UBE2D2: variants seen among roughly 807,000 people sequenced by gnomAD.
UBE2D2 encodes ubiquitin-conjugating enzyme E2 D2.
A neutral mutation model predicts 24.2 loss-of-function variants in UBE2D2; 2 were observed. The observed-to-expected ratio is 0.08, with a 90% CI of 0.03 to 0.26. UBE2D2 has a LOEUF of 0.26. Ranked by LOEUF, UBE2D2 falls within the 10% of genes least tolerant of loss-of-function variation. The pLI is 1.00. For synonymous variants in UBE2D2, 58 were observed against 56.5 expected, an observed-to-expected ratio of 1.03 and a Z score of -0.12; for missense variants, 44 against 177.6, an observed-to-expected ratio of 0.25 and a Z score of 4.28.
At chr5:139,572,467 G>T (rs1040777883) in intron 1 of UBE2D2, among the ~76,000 whole-genome samples, 3 of 152,050 alleles carry the variant, frequency 2.0e-5, no homozygotes, top group Admixed American at 6.6e-5. Flanking sequence ...GCAGTGGCAT[G>T]TGCCTGTAAT....
exon 1 of UBE2D2, chr5:139,526,515 C>T (rs1334252235): frequency 6.6e-6 from 1 of 152,300 alleles, no homozygotes; most frequent in Non-Finnish European, 1.5e-5. Context: ...TGGAATGCCT[C>T]GCCAGAGCAG....
chr5:139,580,437 G>C (rs537087482), intron 1 of UBE2D2, among the ~76,000 whole-genome samples: 11 of 152,110 alleles, frequency 7.2e-5, no homozygotes, highest in Non-Finnish European at 1.2e-4. Flanking sequence ...CTGGGACAGC[G>C]TAACAGAGTG....
chr5:139,555,924 C>CAAAAAA (rs1168084041), intron 1 of UBE2D2, among the ~76,000 whole-genome samples: 3 of 9,324 alleles, frequency 3.2e-4, no homozygotes, highest in African/African-American at 4.0e-4. Flanking sequence ...GACTCCATCT[C>CAAAAAA]AAAAAAAAAA....
At chr5:139,584,130 A>G (rs893221659) in intron 1 of UBE2D2, among the ~76,000 whole-genome samples, 1 of 152,174 alleles carries the variant, frequency 6.6e-6, no homozygotes, top group African/African-American at 2.4e-5. Context: ...TTTGTTCATG[A>G]TGAGTGCCCT....
Position 139,591,698 on chromosome 5 carries a change from G to A in UBE2D2, c.25-8674G>A, listed in dbSNP as rs192695143. ...GTCTTTCAAACTCATGTAAGTTAAT[G>A]AGTTACTAATATTTCCTGAGTTTTA... On this transcript the variant is annotated intron_variant, in intron 1 of 6. Coordinates refer to ENST00000398733, the MANE Select transcript of UBE2D2 (RefSeq NM_003339.3). Among the ~76,000 whole-genome samples, 16 of 152,280 alleles carry A rather than the reference G, an allele frequency of 1.1e-4. No homozygotes were observed. The East Asian group carries it at 2.3e-3, about 22-fold the overall frequency.
chr5:139,625,875 G>A (rs1327311237), intron 6 of UBE2D2, among the ~76,000 whole-genome samples: 12 of 152,158 alleles, frequency 7.9e-5, no homozygotes, highest in Non-Finnish European at 1.6e-4. Flanking sequence ...AAAGTGCTGG[G>A]ATTACAGGCG....
intron 1 of UBE2D2, among the ~76,000 whole-genome samples, chr5:139,547,166 C>G (rs1752845336): frequency 6.6e-6 from 1 of 151,786 alleles, no homozygotes; most frequent in Non-Finnish European, 1.5e-5. Context: ...TGGCGGGCGC[C>G]TGTAGTCCCA....
intron 1 of UBE2D2, among the ~76,000 whole-genome samples, chr5:139,536,906 G>A (rs536558692): frequency 2.0e-5 from 3 of 152,220 alleles, no homozygotes; most frequent in Non-Finnish European, 2.9e-5. Context: ...CAGGCTGGAC[G>A]AGGTGACTCA....
chr5:139,547,893 C>T (rs1752854187), intron 1 of UBE2D2, among the ~76,000 whole-genome samples: 1 of 151,930 alleles, frequency 6.6e-6, no homozygotes, highest in Non-Finnish European at 1.5e-5. Context: ...CAGTGTTTCA[C>T]CATGCTGGCC....
At chr5:139,551,549 A>G (rs939541627) in intron 1 of UBE2D2, among the ~76,000 whole-genome samples, 1 of 152,190 alleles carries the variant, frequency 6.6e-6, no homozygotes, top group Non-Finnish European at 1.5e-5. Flanking sequence ...AAACCTGTGA[A>G]TATAAAGTGT....
chr5:139,620,698 C>T (rs977402959), intron 5 of UBE2D2, among the ~76,000 whole-genome samples: 1 of 152,190 alleles, frequency 6.6e-6, no homozygotes, highest in African/African-American at 2.4e-5. Context: ...TTCTCAGAAG[C>T]CCTTGATCTC....
At chr5:139,562,833 T>C (rs1243788020) in intron 1 of UBE2D2, among the ~76,000 whole-genome samples, 1 of 152,200 alleles carries the variant, frequency 6.6e-6, no homozygotes, top group Non-Finnish European at 1.5e-5. Context: ...GCCACTTTCA[T>C]GTTTTTTTTC....
chr5:139,533,545 G>A (rs373571172), intron 1 of UBE2D2, among the ~76,000 whole-genome samples: 39 of 151,948 alleles, frequency 2.6e-4, no homozygotes, highest in African/African-American at 8.4e-4. Context: ...AGCTACTCGG[G>A]AGGCTGAGGC....
At chr5:139,618,827 G>T (rs1754464068) in intron 5 of UBE2D2, among the ~76,000 whole-genome samples, 1 of 152,114 alleles carries the variant, frequency 6.6e-6, no homozygotes, top group Non-Finnish European at 1.5e-5. Context: ...AGGTTTTAAT[G>T]AGTCCCTTTT....
chr5:139,575,460 A>G (rs1043224636), intron 1 of UBE2D2, among the ~76,000 whole-genome samples: 2 of 152,196 alleles, frequency 1.3e-5, no homozygotes, highest in Non-Finnish European at 2.9e-5. Flanking sequence ...CTGAATGTGA[A>G]AAGAATGAAG....
chr5:139,558,833 C>T (rs1272552755), upstream of UBE2D2, among the ~76,000 whole-genome samples: 1 of 151,818 alleles, frequency 6.6e-6, no homozygotes, highest in African/African-American at 2.4e-5. Context: ...GAGGATCTTG[C>T]TCTTTCACCA....
intron 1 of UBE2D2, 77 bp downstream of exon 1, chr5:139,561,892 C>T: frequency 7.0e-7 from 1 of 1,430,906 alleles, no homozygotes; most frequent in African/African-American, 1.5e-5. Context: ...TAGTCTCCGT[C>T]GGGCTCGCGG....
At chr5:139,599,210 C>T (rs1754019782) in intron 1 of UBE2D2, among the ~76,000 whole-genome samples, 1 of 151,882 alleles carries the variant, frequency 6.6e-6, no homozygotes, top group Admixed American at 6.6e-5. Flanking sequence ...GCTGGGATTA[C>T]AAGCATGAGC....
In UBE2D2 at chr5:139,591,923, G is replaced by T. The variant is rs1320574314; in HGVS notation, c.25-8449G>T. On this transcript the variant is annotated intron_variant, in intron 1 of 6. Transcript: ENST00000398733. ...AATCTGTCTTGAAAACCTGGGGCCG[G>T]GCGCGGTGGCTCATGCCTGTAATTC... Among the ~76,000 whole-genome samples, 3 of 152,130 alleles carry T rather than the reference G, an allele frequency of 2.0e-5. No individual in the cohort carries two copies. The East Asian group carries it at 5.8e-4, about 29-fold the overall frequency.
Sources: gnomAD v4.1 joint callset for allele counts (sites outside exome capture counted in the v4.1 genomes callset) on GRCh38, gnomAD v4.1.1 for gene constraint, MANE v1.5 for transcripts, NCBI Gene and HGNC (gene_info 2026-07-23, HGNC 2026-07-21) for gene names.